The following ZBTB7C variants were observed in gnomAD, a reference collection of about 807,000 sequenced individuals.
ZBTB7C encodes the protein zinc finger and BTB domain-containing protein 7C.
In ZBTB7C, 8 loss-of-function variants were observed where a neutral mutation model predicts 25.7. That is an observed-to-expected ratio of 0.31 (90% CI 0.18 to 0.56). ZBTB7C has a LOEUF of 0.56. ZBTB7C is among the 20% of genes least tolerant of loss of function. The pLI is 0.91. For synonymous variants in ZBTB7C, 394 were observed against 369.0 expected (o/e 1.07, Z -0.78); for missense variants, 824 against 855.2 (o/e 0.96, Z 0.46).
chr18:48,046,635 C>T (rs1447435514), intron 3 of ZBTB7C, among the ~76,000 whole-genome samples: 1 of 152,194 alleles, frequency 6.6e-6, no homozygotes, highest in African/African-American at 2.4e-5. Context: ...AGCTGGAACC[C>T]GTTAGTCCAC....
intron 2 of ZBTB7C, among the ~76,000 whole-genome samples, chr18:48,277,572 G>A (rs1332049928): frequency 6.6e-6 from 1 of 152,236 alleles, no homozygotes; most frequent in Non-Finnish European, 1.5e-5. Context: ...AGGAAGGCTA[G>A]AACAACTAAT....
At chr18:48,318,485 C>T (rs1196487093) in intron 2 of ZBTB7C, among the ~76,000 whole-genome samples, 8 of 152,138 alleles carry the variant, frequency 5.3e-5, no homozygotes, top group African/African-American at 1.7e-4. Context: ...CTGCCCTAGA[C>T]CTTGAATCAG....
At chr18:48,127,337 C>T (rs555365963) in intron 3 of ZBTB7C, among the ~76,000 whole-genome samples, 2 of 152,332 alleles carry the variant, frequency 1.3e-5, no homozygotes, top group South Asian at 2.1e-4. Flanking sequence ...ACCTCCTCCC[C>T]CTGCTCTGAC....
At chr18:48,319,112 CTGTGTG>C (rs143825394) in intron 2 of ZBTB7C, among the ~76,000 whole-genome samples, 6 of 147,366 alleles carry the variant, frequency 4.1e-5, no homozygotes, top group East Asian at 2.0e-4. Flanking sequence ...CAGAATGCCT[CTGTGTG>C]TGTGTGTGTG....
At chr18:48,030,689 C>T (rs1332780139) in intron 4 of ZBTB7C, among the ~76,000 whole-genome samples, 1 of 152,216 alleles carries the variant, frequency 6.6e-6, no homozygotes, top group Non-Finnish European at 1.5e-5. Context: ...TGCAGACCCA[C>T]CACCAACTTG....
chr18:48,286,233 C>CGTGTGTGT lies in ZBTB7C; in HGVS notation c.-79+51933_-79+51940dup, dbSNP rs59121430. Among the ~76,000 whole-genome samples, 1,273 of 145,564 alleles carry CGTGTGTGT rather than the reference C, an allele frequency of 8.7e-3. 17 individuals are homozygous for CGTGTGTGT. The highest frequency in any genetic ancestry group is 0.029 in the African/African-American group (1,140 of 39,702). ...TCATCTTTGTCAGAGAAGAGGTGTGCGTGTGTGTGTGTGTGTGTGTGTGTG... is the reference window on the plus strand; with the variant it reads ...TCATCTTTGTCAGAGAAGAGGTGTGCGTGTGTGTGTGTGTGTGTGTGTGTGTGTGTGTG... On this transcript the variant is annotated intron_variant, in intron 2 of 4. Transcript: ENST00000590800.
At chr18:48,063,011 C>T (rs143364823) in intron 3 of ZBTB7C, among the ~76,000 whole-genome samples, 74 of 152,336 alleles carry the variant, frequency 4.9e-4, no homozygotes, top group African/African-American at 1.7e-3. Context: ...GTCTGTGACT[C>T]TGCCAGCCAG....
intron 2 of ZBTB7C, among the ~76,000 whole-genome samples, chr18:48,324,548 G>A (rs1037936593): frequency 6.6e-6 from 1 of 152,146 alleles, no homozygotes; most frequent in Non-Finnish European, 1.5e-5. Context: ...AATCCCTAGG[G>A]TGATGGGATT....
At chr18:48,247,642 G>A (rs2043731603) in intron 2 of ZBTB7C, among the ~76,000 whole-genome samples, 1 of 152,158 alleles carries the variant, frequency 6.6e-6, no homozygotes, top group African/African-American at 2.4e-5. Context: ...TCAGTGATAT[G>A]CTTAGGCTTT....
At chr18:48,134,803 CA>C (rs1437723835) in intron 3 of ZBTB7C, among the ~76,000 whole-genome samples, 1 of 152,182 alleles carries the variant, frequency 6.6e-6, no homozygotes, top group Non-Finnish European at 1.5e-5. Flanking sequence ...TGGCATGTGC[CA>C]AAAGTGCAGA....
chr18:48,064,610 G>C (rs528210214), intron 3 of ZBTB7C, among the ~76,000 whole-genome samples: 1 of 152,320 alleles, frequency 6.6e-6, no homozygotes, highest in East Asian at 1.9e-4. Context: ...GGGCATGGTG[G>C]CATGCACCTG....
chr18:48,163,504 G>A (rs1474450709), intron 3 of ZBTB7C, among the ~76,000 whole-genome samples: 2 of 152,164 alleles, frequency 1.3e-5, no homozygotes, highest in Non-Finnish European at 2.9e-5. Flanking sequence ...AAATGGAGTG[G>A]GGCTTAACAG....
At chr18:48,197,519 AT>A (rs1269522556) in intron 2 of ZBTB7C, among the ~76,000 whole-genome samples, 8 of 152,320 alleles carry the variant, frequency 5.3e-5, no homozygotes, top group South Asian at 4.1e-4. Context: ...AAAATGCTGT[AT>A]TGGTCAGCTA....
chr18:48,113,005 C>T (rs138133881), intron 3 of ZBTB7C, among the ~76,000 whole-genome samples: 30 of 152,176 alleles, frequency 2.0e-4, no homozygotes, highest in Non-Finnish European at 4.0e-4. Flanking sequence ...AACACCAGGC[C>T]CAACACATAT....
At chr18:48,297,080 G>C (rs1287014306) in intron 2 of ZBTB7C, among the ~76,000 whole-genome samples, 1 of 152,084 alleles carries the variant, frequency 6.6e-6, no homozygotes, top group African/African-American at 2.4e-5. Flanking sequence ...CACGAAACCA[G>C]TCCCTGGTGC....
chr18:48,171,009 G>C (rs1433311777), intron 3 of ZBTB7C, among the ~76,000 whole-genome samples: 1 of 152,170 alleles, frequency 6.6e-6, no homozygotes, highest in African/African-American at 2.4e-5. Flanking sequence ...ACACTCAACT[G>C]TCTCTTACCA....
At chr18:48,191,369 C>G (rs2042191010) in intron 2 of ZBTB7C, among the ~76,000 whole-genome samples, 1 of 152,230 alleles carries the variant, frequency 6.6e-6, no homozygotes, top group African/African-American at 2.4e-5. Context: ...CTTAACCTCT[C>G]TCTGCGTCAG....
At chr18:48,315,953 G>A (rs1236917355) in intron 2 of ZBTB7C, among the ~76,000 whole-genome samples, 1 of 152,032 alleles carries the variant, frequency 6.6e-6, no homozygotes, top group East Asian at 1.9e-4. Flanking sequence ...CGTAAGAAAG[G>A]ATCAGCAATT....
At chr18:48,160,007 G>A (rs555602744) in intron 3 of ZBTB7C, among the ~76,000 whole-genome samples, 32 of 152,326 alleles carry the variant, frequency 2.1e-4, no homozygotes, top group African/African-American at 7.7e-4. Context: ...ACTGGTTGAG[G>A]GTAATGAATG....
Sources: gnomAD v4.1 joint callset for allele counts (sites outside exome capture counted in the v4.1 genomes callset) on GRCh38, gnomAD v4.1.1 for gene constraint, MANE v1.5 for transcripts, NCBI Gene and HGNC (gene_info 2026-07-23, HGNC 2026-07-21) for gene names.